Variants in NUCKS1 observed in about 807,000 individuals in gnomAD.
NUCKS1 encodes the protein nuclear ubiquitous casein and cyclin-dependent kinase substrate 1.
In NUCKS1, 2 loss-of-function variants were observed where a neutral mutation model predicts 33.0. The observed-to-expected ratio is 0.06, with a 90% CI of 0.02 to 0.19. The LOEUF is 0.19. Among genes scored for constraint, NUCKS1 ranks in the 10% least tolerant of loss-of-function variants. The pLI, the probability that NUCKS1 is intolerant of heterozygous loss-of-function variation, is 1.00. For missense variants in NUCKS1, 201 were observed against 293.6 expected (o/e 0.68, Z 2.31); for synonymous variants, 106 against 102.8 (o/e 1.03, Z -0.19).
rs750131632 is a variant in NUCKS1, at chr1:205,717,306, G to C, written c.*974C>G. 2.0e-6 allele frequency: 2 copies of C among 986,916 alleles called. No homozygotes were observed. The highest frequency in any genetic ancestry group is 2.4e-6 in the Non-Finnish European group (2 of 829,764). The allele number at this position is 986,916 out of a possible 1,614,324, so 61.1% of individuals were successfully genotyped here. A position where few individuals can be genotyped will look rare whatever the true frequency, so the allele number is the denominator to read the frequency against. ...TTGTGACTGAGTTTCACATTAACTG[G>C]AACTTTATTTGCTTAAAACCTAAAC... On this transcript the variant is annotated 3_prime_UTR_variant, in exon 7 of 7. Transcript: ENST00000367142.
intron 1 of NUCKS1, among the ~76,000 whole-genome samples, chr1:205,742,198 CA>C (rs1362066698): frequency 6.6e-5 from 10 of 152,128 alleles, no homozygotes; most frequent in Admixed American, 2.0e-4. Flanking sequence ...ACACTCCAAC[CA>C]AAGGTAGCTG....
At position 205,713,760 on chromosome 1, in the gene NUCKS1, C is replaced by A. The variant is rs991590691; in HGVS notation, c.*4520G>T. 6.6e-6 allele frequency: 1 copy of A among 152,228 alleles called. No homozygotes were observed. Among genetic ancestry groups the A allele is most frequent in the African/African-American group, 2.4e-5 (1 of 41,452 alleles). The allele number at this position is 152,228 out of a possible 1,614,324, so 9.4% of individuals were successfully genotyped here. A position where few individuals can be genotyped will look rare whatever the true frequency, so the allele number is the denominator to read the frequency against. On this transcript the variant is annotated 3_prime_UTR_variant, in exon 7 of 7. Transcript: ENST00000367142. ...TGGTGTCTGATCATGTATCTAGCAA[C>A]ATTGCAGTATGAAGAAAAGAGATGC... is the stretch of plus-strand genomic sequence containing the variant.
At position 205,716,355 on chromosome 1, in the gene NUCKS1, T is replaced by C. The variant is rs1224122720; in HGVS notation, c.*1925A>G. 1.3e-5 allele frequency: 2 copies of C among 152,336 alleles called. No individual in the cohort carries two copies. Among genetic ancestry groups the C allele is most frequent in the East Asian group, 1.9e-4 (1 of 5,184 alleles). 9.4% of individuals were successfully genotyped at this position (152,336 alleles called of 1,614,324 possible). A position where few individuals can be genotyped will look rare whatever the true frequency, so the allele number is the denominator to read the frequency against. On this transcript the variant is annotated 3_prime_UTR_variant, in exon 7 of 7. Transcript: ENST00000367142. ...TAGAAGTGCATGGTGGAAACACTGA[T>C]AGGTCTTTTACTATATGAACACAAA...
Position 205,744,016 on chromosome 1 carries a change from A to C in NUCKS1, c.17+5941T>G, listed in dbSNP as rs574935132. Among the ~76,000 whole-genome samples, 4 of 152,288 alleles carry C rather than the reference A, an allele frequency of 2.6e-5. No homozygotes were observed. The South Asian group carries it at 8.3e-4, about 32-fold the overall frequency. ...AACAATGCCACCTTTTTCTCGGCAAAGGTTCACACTAAATACTCCACTGGT... is the reference window on the plus strand; with the variant it reads ...AACAATGCCACCTTTTTCTCGGCAACGGTTCACACTAAATACTCCACTGGT... On this transcript the variant is annotated intron_variant, in intron 1 of 6. Coordinates refer to ENST00000367142, the MANE Select transcript of NUCKS1 (RefSeq NM_022731.5).
At chr1:205,737,515 C>T (rs1408469283) in intron 1 of NUCKS1, among the ~76,000 whole-genome samples, 1 of 152,218 alleles carries the variant, frequency 6.6e-6, no homozygotes, top group Non-Finnish European at 1.5e-5. Flanking sequence ...CAGCCCTCTC[C>T]GGGTAAGGCT....
In NUCKS1 at chr1:205,718,388, T is replaced by A. The variant is rs1671866135; in HGVS notation, c.624A>T (p.Glu208Asp). Residue 208 changes from glutamate to aspartate, a missense_variant, in exon 7 of 7, where the codon GAA (glutamate) becomes GAT (aspartate). Physicochemically the swap from Glu to Asp is conservative, Grantham distance 45. Coordinates refer to ENST00000367142, the MANE Select transcript of NUCKS1 (RefSeq NM_022731.5). Reference protein sequence around the residue: ...SKEKTPSPKEEDEEPESPPEK... With the variant: ...SKEKTPSPKEDDEEPESPPEK... ...CTGGCGGGCTTTCCGGTTCCTCATC[T>A]TCTTCTTTGGGAGAAGGAGTCTTTT... is the stretch of plus-strand genomic sequence containing the variant. The A allele has an allele frequency of 1.2e-6, 2 of 1,613,680 alleles. No homozygotes were observed. Among genetic ancestry groups the A allele is most frequent in the Non-Finnish European group, 1.7e-6 (2 of 1,179,980 alleles).
At position 205,717,326 on chromosome 1, in the gene NUCKS1, C is replaced by G; in HGVS notation, c.*954G>C. 1.0e-6 allele frequency: 1 copy of G among 986,870 alleles called. No homozygotes were observed. Among genetic ancestry groups the G allele is most frequent in the Middle Eastern group, 2.8e-4 (1 of 3,536 alleles). The allele number at this position is 986,870 out of a possible 1,614,324, so 61.1% of individuals were successfully genotyped here. ...AACTGGAACTTTATTTGCTTAAAAC[C>G]TAAACATTGTCAGTTTGAAAAGAAA... On this transcript the variant is annotated 3_prime_UTR_variant, in exon 7 of 7. Transcript: ENST00000367142.
chr1:205,740,167 T>A (rs982492114), intron 1 of NUCKS1, among the ~76,000 whole-genome samples: 11 of 151,556 alleles, frequency 7.3e-5, no homozygotes, highest in Non-Finnish European at 1.0e-4. Context: ...CACAGCTGGC[T>A]AATTTTTTTT....
chr1:205,716,503 C>T lies in NUCKS1; in HGVS notation c.*1777G>A, dbSNP rs1290469015. The T allele has an allele frequency of 6.6e-6, 1 of 152,154 alleles. No homozygotes were observed. Among genetic ancestry groups the T allele is most frequent in the Non-Finnish European group, 1.5e-5 (1 of 68,030 alleles). 9.4% of individuals were successfully genotyped at this position (152,154 alleles called of 1,614,324 possible). On this transcript the variant is annotated 3_prime_UTR_variant, in exon 7 of 7. Transcript: ENST00000367142. ...GTCATGAAAGAGAATGATCCAACTG[C>T]TATTTATGTTCAAGTCCTGTATTTT...
At position 205,723,993 on chromosome 1, in the gene NUCKS1, G is replaced by A; in HGVS notation, c.174-12C>T. 6.2e-7 allele frequency: 1 copy of A among 1,606,116 alleles called. No individual in the cohort carries two copies. The highest frequency in any genetic ancestry group is 8.5e-7 in the Non-Finnish European group (1 of 1,173,000). On this transcript the variant is annotated splice_polypyrimidine_tract_variant and intron_variant, in intron 3 of 6. Coordinates refer to ENST00000367142, the MANE Select transcript of NUCKS1 (RefSeq NM_022731.5). ...CTTCTGAGTCCTCACTATAAAGGGA[G>A]GCAAAAAAGCAAATGCATAAAAGTC...
rs1485795029 is a variant in NUCKS1 at position 205,714,040 on chromosome 1, T to C, written c.*4240A>G. On this transcript the variant is annotated 3_prime_UTR_variant, in exon 7 of 7. Transcript: ENST00000367142. ...CATAAGGTTTGCTGCAACATGTTCA[T>C]GGTAAACAAACTAAGTAGAGCTCTT... 3 of 152,310 alleles carry C rather than the reference T, an allele frequency of 2.0e-5. No individual in the cohort carries two copies. The highest frequency in any genetic ancestry group is 4.8e-5 in the African/African-American group (2 of 41,574). 9.4% of individuals were successfully genotyped at this position (152,310 alleles called of 1,614,324 possible). A position where few individuals can be genotyped will look rare whatever the true frequency, so the allele number is the denominator to read the frequency against.
intron 1 of NUCKS1, among the ~76,000 whole-genome samples, chr1:205,737,347 C>T (rs753954009): frequency 2.0e-5 from 3 of 152,202 alleles, no homozygotes; most frequent in African/African-American, 4.8e-5. Context: ...GCCATTTCAG[C>T]ATATTATTTA....
chr1:205,750,015 A>AGGGGGGGGGGGGGGGGGGGG lies in NUCKS1; in HGVS notation c.-43_-42insCCCCCCCCCCCCCCCCCCCC. 1.3e-6 allele frequency: 2 copies of AGGGGGGGGGGGGGGGGGGGG among 1,506,272 alleles called. No homozygotes were observed. The highest frequency in any genetic ancestry group is 1.8e-6 in the Non-Finnish European group (2 of 1,114,420). The allele number at this position is 1,506,272 out of a possible 1,614,324, so 93.3% of individuals were successfully genotyped here. On this transcript the variant is annotated 5_prime_UTR_variant, in exon 1 of 7. Coordinates refer to ENST00000367142, the MANE Select transcript of NUCKS1 (RefSeq NM_022731.5). ...GGACCGAGTCGAGAAGCCAAAGACC[A>AGGGGGGGGGGGGGGGGGGGG]GGACCCCCCCCACCCCGCGCGCTCG...
intron 1 of NUCKS1, among the ~76,000 whole-genome samples, chr1:205,739,758 T>A (rs1367463228): frequency 6.6e-6 from 1 of 151,924 alleles, no homozygotes; most frequent in African/African-American, 2.4e-5. Context: ...TCTGGCTGAT[T>A]TTGTTTATTT....
chr1:205,749,337 G>A (rs1654415170), intron 1 of NUCKS1, among the ~76,000 whole-genome samples: 1 of 152,198 alleles, frequency 6.6e-6, no homozygotes, highest in Non-Finnish European at 1.5e-5. Flanking sequence ...TTGCCCGGGG[G>A]GAAAAAAACG....
intron 6 of NUCKS1, among the ~76,000 whole-genome samples, chr1:205,719,162 T>C (rs16856211): frequency 0.067 from 10,139 of 152,272 alleles, 400 homozygotes; most frequent in Middle Eastern, 0.099. Context: ...GTTTGTGCAT[T>C]TTCACAATTA....
At position 205,716,532 on chromosome 1, in the gene NUCKS1, C is replaced by G. The variant is rs773396962; in HGVS notation, c.*1748G>C. The stretch of plus-strand genomic sequence containing the variant: ...TTATGTTCAAGTCCTGTATTTTTGG[C>G]CATGTAACTGAAAACTCCTTATTCA... On this transcript the variant is annotated 3_prime_UTR_variant, in exon 7 of 7. Transcript: ENST00000367142. 2.6e-5 allele frequency: 4 copies of G among 152,118 alleles called. No individual in the cohort carries two copies. The highest frequency in any genetic ancestry group is 1.5e-5 in the Non-Finnish European group (1 of 68,020). 9.4% of individuals were successfully genotyped at this position (152,118 alleles called of 1,614,324 possible).
intron 2 of NUCKS1, 147 bp downstream of exon 2, chr1:205,729,425 T>G (rs1056452547): frequency 8.4e-6 from 6 of 713,684 alleles, no homozygotes; most frequent in South Asian, 8.0e-5. Flanking sequence ...AACTTTTGCT[T>G]TGGTTGACAC....
Position 205,718,084 on chromosome 1 carries a change from TTAAA to T in NUCKS1, c.*192_*195del. Reference sequence around the variant, plus strand: ...ACACTTACACATACAATGGTTTGCTTTAAAAAAAAAAAAAAAAAAAGAGAGAGAG... The same window carrying T: ...ACACTTACACATACAATGGTTTGCTTAAAAAAAAAAAAAAAAGAGAGAGAG... On this transcript the variant is annotated 3_prime_UTR_variant, in exon 7 of 7. Transcript: ENST00000367142. The T allele has an allele frequency of 8.1e-7, 1 of 1,236,404 alleles. No homozygotes were observed. Among genetic ancestry groups the T allele is most frequent in the Non-Finnish European group, 1.0e-6 (1 of 996,206 alleles). The allele number at this position is 1,236,404 out of a possible 1,614,324, so 76.6% of individuals were successfully genotyped here. A position where few individuals can be genotyped will look rare whatever the true frequency, so the allele number is the denominator to read the frequency against.
Sources: allele counts gnomAD v4.1 joint callset (sites outside exome capture counted in the v4.1 genomes callset), GRCh38; gene constraint gnomAD v4.1.1; transcripts MANE v1.5; gene names NCBI Gene and HGNC (gene_info 2026-07-23, HGNC 2026-07-21).